HELZ: variants seen among roughly 807,000 people sequenced by gnomAD.
HELZ encodes the protein helicase with zinc finger, also known as ATP-dependent RNA helicase with zinc finger domain.
A neutral mutation model predicts 218.2 loss-of-function variants in HELZ; 23 were observed. The ratio of observed to expected loss-of-function variants is 0.11; its 90% CI spans 0.08 to 0.15. The LOEUF is 0.15. HELZ is among the 10% of genes least tolerant of loss of function. The pLI is 1.00. For synonymous variants in HELZ, 814 were observed against 829.4 expected, an observed-to-expected ratio of 0.98 and a Z score of 0.32; for missense variants, 1,813 against 2,353.7, an observed-to-expected ratio of 0.77 and a Z score of 4.75.
chr17:67,104,423 A>G (rs1398245000), intron 31 of HELZ, among the ~76,000 whole-genome samples: 2 of 147,420 alleles, frequency 1.4e-5, no homozygotes, highest in Admixed American at 1.4e-4. Context: ...TGTGCAACAG[A>G]GCGAGACGCC....
intron 23 of HELZ, 59 bp from the exon 24 acceptor site, chr17:67,128,914 A>G: frequency 7.9e-7 from 1 of 1,259,166 alleles, no homozygotes; most frequent in Non-Finnish European, 1.2e-6. Context: ...ACAGAAATGA[A>G]TATAAATAAC....
chr17:67,139,089 T>A (rs981546714), intron 21 of HELZ, among the ~76,000 whole-genome samples: 1 of 151,844 alleles, frequency 6.6e-6, no homozygotes, highest in African/African-American at 2.4e-5. Flanking sequence ...ACTAACAGTA[T>A]CTATTTTAAT....
At chr17:67,120,634 T>C (rs757499269) in intron 26 of HELZ, 22 bp from the exon 27 acceptor site, 5 of 1,559,346 alleles carry the variant, frequency 3.2e-6, no homozygotes, top group African/African-American at 1.4e-5. Flanking sequence ...AAAAATAAAA[T>C]ACATGCATTA....
At chr17:67,135,823 G>T in intron 23 of HELZ, 147 bp downstream of exon 23, 1 of 635,502 alleles carries the variant, frequency 1.6e-6, no homozygotes, top group Non-Finnish European at 2.7e-6. Context: ...TAGATCCAAA[G>T]TAATATGCTT....
At chr17:67,212,314 CA>C (rs10692832) in intron 5 of HELZ, among the ~76,000 whole-genome samples, 35 of 21,402 alleles carry the variant, frequency 1.6e-3, no homozygotes, top group Admixed American at 4.9e-3. Flanking sequence ...GACACCATCT[CA>C]AAAAAAAAAA....
Position 67,188,857 on chromosome 17 carries a change from A to G in HELZ, c.865-241T>C, listed in dbSNP as rs1231860484. Reference sequence around the variant, plus strand: ...GACATGTTCATTTTTCACTGTGGCAAAAGCTATCACCCTATATAACCATCA... The same window carrying G: ...GACATGTTCATTTTTCACTGTGGCAGAAGCTATCACCCTATATAACCATCA... On this transcript the variant is annotated intron_variant, in intron 11 of 32. Coordinates refer to ENST00000358691, the MANE Select transcript of HELZ (RefSeq NM_014877.4). This position sits in a 1 kb window ranked among gnomAD's most constrained non-coding sequence, Gnocchi z 4.1. Among the ~76,000 whole-genome samples, 4 of 152,128 alleles carry G rather than the reference A, an allele frequency of 2.6e-5. No individual in the cohort carries two copies. The highest frequency in any genetic ancestry group is 5.9e-5 in the Non-Finnish European group (4 of 68,014).
At position 67,107,546 on chromosome 17, in the gene HELZ, G is replaced by A. The variant is rs754997897; in HGVS notation, c.4864C>T (p.Pro1622Ser). Residue 1622 changes from proline to serine, a missense_variant, in exon 31 of 33, where the codon CCA (proline) becomes TCA (serine). Around this residue, in one of 4 missense-constraint regions of HELZ, gnomAD observed 938 missense variants for 1,027.5 expected, o/e 0.91. Transcript: ENST00000358691. ...SRSPPAVPSP[P>S]SSTDHSSHFS... ...TGGCTACTGTGGTCTGTACTGGATG[G>A]GGGAGATGGGACTGCTGGTGGGCTT... The A allele has an allele frequency of 6.2e-7, 1 of 1,614,158 alleles. No individual in the cohort carries two copies. Among genetic ancestry groups the A allele is most frequent in the Non-Finnish European group, 8.5e-7 (1 of 1,180,024 alleles).
At position 67,167,623 on chromosome 17, in the gene HELZ, T is replaced by C. The variant is rs368487200; in HGVS notation, c.1604A>G (p.Tyr535Cys). 1.5e-5 allele frequency: 24 copies of C among 1,614,076 alleles called. No individual in the cohort carries two copies. The highest frequency in any genetic ancestry group is 2.0e-5 in the Non-Finnish European group (24 of 1,180,044). Residue 535 changes from tyrosine (Y) to cysteine (C), a missense_variant, in exon 14 of 33, where the codon TAT becomes TGT. By Grantham distance (194) the Tyr-to-Cys change is radical. Around this residue, in one of 4 missense-constraint regions of HELZ, gnomAD observed 714 missense variants for 1,029.2 expected, o/e 0.69. Coordinates refer to ENST00000358691, the MANE Select transcript of HELZ (RefSeq NM_014877.4). ...CTTCTGTTTAGGGACTGGTAATAAA[T>C]AAACAGCATTGACTTTGGTCATCAC... ...RLVMTKVNAV[Y>C]LLPVPKQKLV...
intron 3 of HELZ, among the ~76,000 whole-genome samples, chr17:67,229,567 G>A (rs2040982567): frequency 6.6e-6 from 1 of 152,026 alleles, no homozygotes; most frequent in Non-Finnish European, 1.5e-5. Context: ...TTATCCCCAT[G>A]ACAACCATTC....
chr17:67,167,049 T>C (rs2039166857), intron 14 of HELZ, among the ~76,000 whole-genome samples: 1 of 152,164 alleles, frequency 6.6e-6, no homozygotes, highest in Non-Finnish European at 1.5e-5. Flanking sequence ...GTTCACCAAG[T>C]TTTATGTTTA....
At chr17:67,245,515 C>T (rs2041460640), upstream of HELZ, 18 of 985,440 alleles carry the variant, frequency 1.8e-5, no homozygotes, top group Non-Finnish European at 2.2e-5. Context: ...ATTGAATCAA[C>T]CCGAGGTTTC....
At position 67,071,764 on chromosome 17, in the gene HELZ, T is replaced by C. The variant is rs530180754; in HGVS notation, c.*6488A>G. ...TTCTTTCTCAAAAATAACTTGCTCA[T>C]ACATGTGCACCTATGACTTATGAAT... On this transcript the variant is annotated 3_prime_UTR_variant, in exon 33 of 33. Transcript: ENST00000358691. 5.2e-5 allele frequency: 8 copies of C among 152,634 alleles called. No homozygotes were observed. The South Asian group carries it at 6.2e-4, about 12-fold the overall frequency. The allele number at this position is 152,634 out of a possible 1,614,324, so 9.5% of individuals were successfully genotyped here. A position where few individuals can be genotyped will look rare whatever the true frequency, so the allele number is the denominator to read the frequency against.
rs1478722911 is a variant in HELZ, at chr17:67,148,857, A to G, written c.2476-143T>C. The G allele has an allele frequency of 1.3e-5, 10 of 759,512 alleles. No homozygotes were observed. In the African/African-American group the frequency reaches 1.8e-4, roughly 13 times the overall value. 47.0% of individuals were successfully genotyped at this position (759,512 alleles called of 1,614,324 possible). ...AATGCTGGGACAAGCACAATCAGTA[A>G]TATTTTCTCTGAACCATTACCACTA... On this transcript the variant is annotated intron_variant, in intron 19 of 32. Coordinates refer to ENST00000358691, the MANE Select transcript of HELZ (RefSeq NM_014877.4).
rs1331231757 is a variant in HELZ, at chr17:67,160,009, TCTA to T, written c.2177+249_2177+251del. Among the ~76,000 whole-genome samples the T allele has an allele frequency of 2.0e-5, 3 of 152,288 alleles. No homozygotes were observed. In the East Asian group the frequency reaches 5.8e-4, roughly 29 times the overall value. ...TAGCTTTTAGAGGTACATATCAAAA[TCTA>T]CTCAGGTTGAAACAATACACACAAA... is the stretch of plus-strand genomic sequence containing the variant. On this transcript the variant is annotated intron_variant, in intron 17 of 32. Coordinates refer to ENST00000358691, the MANE Select transcript of HELZ (RefSeq NM_014877.4).
At chr17:67,090,924 T>C (rs1398623129) in intron 31 of HELZ, among the ~76,000 whole-genome samples, 1 of 152,134 alleles carries the variant, frequency 6.6e-6, no homozygotes, top group East Asian at 1.9e-4. Context: ...GATTTGAATT[T>C]ATTTTGCTCT....
chr17:67,237,217 A>G (rs1211912645), intron 3 of HELZ, among the ~76,000 whole-genome samples: 1 of 151,716 alleles, frequency 6.6e-6, no homozygotes, highest in Non-Finnish European at 1.5e-5. Flanking sequence ...CCCAGGAGGC[A>G]GAGGTTGCAG....
chr17:67,150,172 GTCTCCCAGGCTGGAGTGCAGTGCTATA>G, intron 18 of HELZ, 187 bp from the exon 19 acceptor site: 1 of 335,786 alleles, frequency 3.0e-6, no homozygotes. Context: ...GTGTCACTCT[GTCTCCCAGGCTGGAGTGCAGTGCTATA>G]TGATCACAGC....
In HELZ at chr17:67,166,606, A is replaced by C. The variant is rs755544261; in HGVS notation, c.1767T>G (p.Val589=). The C allele has an allele frequency of 6.2e-7, 1 of 1,613,248 alleles. No individual in the cohort carries two copies. The highest frequency in any genetic ancestry group is 1.1e-5 in the South Asian group (1 of 91,052). Residue 589 remains valine (V), a splice_region_variant and synonymous_variant, in exon 15 of 33, where the codon GTT becomes GTG. Coordinates refer to ENST00000358691, the MANE Select transcript of HELZ (RefSeq NM_014877.4). ...LNLRPDCDTQ[V]ELQFQLNRLP... is the part of the protein sequence containing the mutation. ...ATCGATTTAATTGAAACTGAAGTTC[A>C]ACCTGAAAGACAAAATGAATGTTTT...
intron 3 of HELZ, among the ~76,000 whole-genome samples, chr17:67,234,716 C>T (rs1247051935): frequency 2.0e-5 from 3 of 151,712 alleles, no homozygotes; most frequent in Non-Finnish European, 2.9e-5. Context: ...AAAAAAACTC[C>T]CCAAAACCCA....
Sources: gnomAD v4.1 joint callset for allele counts (sites outside exome capture counted in the v4.1 genomes callset) on GRCh38, gnomAD v4.1.1 for gene constraint, gnomAD v4.1.1 regional missense constraint, Gnocchi (gnomAD v3.1) non-coding constraint, MANE v1.5 for transcripts, NCBI Gene and HGNC (gene_info 2026-07-23, HGNC 2026-07-21) for gene names.